Variants in SHLD2 observed in about 807,000 individuals in gnomAD.
SHLD2 encodes the protein RINN1-REV7-interacting novel NHEJ regulator 2.
In SHLD2, 30 loss-of-function variants were observed where a neutral mutation model predicts 73.2. The ratio of observed to expected loss-of-function variants is 0.41; its 90% CI spans 0.31 to 0.56. The LOEUF (loss-of-function observed/expected upper bound fraction) is 0.56. Among genes scored for constraint, SHLD2 ranks in the 20% least tolerant of loss-of-function variants. The probability of loss-of-function intolerance (pLI) is 0.28; values close to 1 mark genes in which losing one functional copy is unlikely to be tolerated. For synonymous variants in SHLD2, 285 were observed against 370.1 expected, an observed-to-expected ratio of 0.77 and a Z score of 2.64; for missense variants, 745 against 1,055.9, an observed-to-expected ratio of 0.71 and a Z score of 4.08.
intron 2 of SHLD2, among the ~76,000 whole-genome samples, chr10:87,108,201 C>T (rs1842719882): frequency 6.6e-6 from 1 of 152,158 alleles, no homozygotes; most frequent in Non-Finnish European, 1.5e-5. Context: ...AGGCATGCGT[C>T]ACCACACCAG....
intron 2 of SHLD2, chr10:87,115,576 G>T (rs887168234): frequency 2.0e-5 from 3 of 151,978 alleles, no homozygotes; most frequent in African/African-American, 7.2e-5. Context: ...CAGTGTAGTG[G>T]GTTGTCATGG....
intron 8 of SHLD2, among the ~76,000 whole-genome samples, chr10:87,180,923 T>C (rs1464854125): frequency 6.6e-6 from 1 of 152,208 alleles, no homozygotes; most frequent in African/African-American, 2.4e-5. Context: ...AAAAACCAAA[T>C]TCAGATATAT....
intron 9 of SHLD2, among the ~76,000 whole-genome samples, chr10:87,188,997 CTCT>C (rs1397037276): frequency 8.1e-6 from 1 of 123,266 alleles, no homozygotes; most frequent in Non-Finnish European, 1.6e-5. Flanking sequence ...TCAGTGTAAT[CTCT>C]TCTTTTTTTT....
At chr10:87,111,838 G>A (rs1339869280) in intron 2 of SHLD2, among the ~76,000 whole-genome samples, 1 of 151,978 alleles carries the variant, frequency 6.6e-6, no homozygotes, top group Non-Finnish European at 1.5e-5. Flanking sequence ...ACAACCTACA[G>A]AACGGGATTA....
rs2134832860 is a variant in SHLD2, at chr10:87,190,568, T to G, written c.2600T>G (p.Leu867Ter). 1 of 1,611,930 alleles carries G rather than the reference T, an allele frequency of 6.2e-7. No individual in the cohort carries two copies. Among genetic ancestry groups the G allele is most frequent in the African/African-American group, 1.3e-5 (1 of 74,954 alleles). The change falls in exon 10 of 10, where the codon TTA becomes TGA. Residue 867 changes from leucine (L) to a stop codon, truncating the protein, a stop_gained. Transcript: ENST00000298786. LOFTEE classifies it low-confidence loss of function (END_TRUNC). Reference protein sequence around the residue: ...LLAVSAEPCVLKIQSLFVLDE... With the variant: ...LLAVSAEPCV ...GCAGTCAGCGCAGAACCTTGTGTATTAAAGATTCAGAGCCTTTTTGTGTTA... is the reference window on the plus strand; with the variant it reads ...GCAGTCAGCGCAGAACCTTGTGTATGAAAGATTCAGAGCCTTTTTGTGTTA...
At chr10:87,190,219 C>T (rs545771266) in intron 9 of SHLD2, among the ~76,000 whole-genome samples, 131 of 152,206 alleles carry the variant, frequency 8.6e-4, no homozygotes, top group African/African-American at 2.8e-3. Context: ...CCACCACTCC[C>T]GGCTAATTTT....
chr10:87,111,183 A>C lies in SHLD2; in HGVS notation c.-6+14194A>C, dbSNP rs558255028. On this transcript the variant is annotated intron_variant, in intron 2 of 9. Transcript: ENST00000298786. Reference sequence around the variant, plus strand: ...TTTTTAAAGTTTTTATTTTTTTGAGACAGGGTCTCATCATGTTGCCCAGGC... The same window carrying C: ...TTTTTAAAGTTTTTATTTTTTTGAGCCAGGGTCTCATCATGTTGCCCAGGC... Among the ~76,000 whole-genome samples, 155 of 151,908 alleles carry C rather than the reference A, an allele frequency of 1.0e-3. 2 individuals are homozygous for C. The highest frequency in any genetic ancestry group is 3.4e-3 in the Middle Eastern group (1 of 294).
chr10:87,177,478 T>G (rs1442002814), intron 7 of SHLD2, among the ~76,000 whole-genome samples: 1 of 152,118 alleles, frequency 6.6e-6, no homozygotes, highest in East Asian at 1.9e-4. Flanking sequence ...ACTGTGCCAT[T>G]AAAATCAGTC....
At position 87,179,424 on chromosome 10, in the gene SHLD2, C is replaced by T. The variant is rs532236098; in HGVS notation, c.2171-651C>T. Among the ~76,000 whole-genome samples the T allele has an allele frequency of 2.3e-4, 34 of 146,596 alleles. No individual in the cohort carries two copies. The South Asian group carries it at 5.6e-3, about 24-fold the overall frequency. ...ATTTGGCTTTTTTTTTTTTTTGAGA[C>T]GGAGTCTTGCTCTTTCGCCCAGGCC... On this transcript the variant is annotated intron_variant, in intron 7 of 9. Coordinates refer to ENST00000298786, the MANE Select transcript of SHLD2 (RefSeq NM_001330112.2).
At chr10:87,189,395 G>A (rs1332481794) in intron 9 of SHLD2, among the ~76,000 whole-genome samples, 1 of 152,180 alleles carries the variant, frequency 6.6e-6, no homozygotes, top group Non-Finnish European at 1.5e-5. Flanking sequence ...GTCCATTCTT[G>A]AGACAATTAA....
intron 2 of SHLD2, among the ~76,000 whole-genome samples, chr10:87,119,186 G>GT (rs1470744553): frequency 1.3e-5 from 2 of 150,262 alleles, no homozygotes; most frequent in African/African-American, 2.4e-5. Flanking sequence ...CATGATACAG[G>GT]TTATATTAAG....
intron 2 of SHLD2, among the ~76,000 whole-genome samples, chr10:87,147,078 A>C (rs1232081273): frequency 4.1e-5 from 6 of 147,568 alleles, no homozygotes; most frequent in Admixed American, 3.5e-4. Flanking sequence ...AAAAGAAAAA[A>C]AAAAAAAAAA....
At chr10:87,156,140 C>T (rs1846410653) in intron 3 of SHLD2, among the ~76,000 whole-genome samples, 1 of 150,498 alleles carries the variant, frequency 6.6e-6, no homozygotes, top group African/African-American at 2.5e-5. Context: ...GATCTCGGCT[C>T]ACTGCAACCT....
intron 2 of SHLD2, among the ~76,000 whole-genome samples, chr10:87,142,023 T>C (rs919318266): frequency 7.8e-6 from 1 of 128,768 alleles, no homozygotes; most frequent in African/African-American, 2.8e-5. Context: ...AGAGCAAGAC[T>C]CCATCTCAAA....
chr10:87,150,736 G>A (rs1219778148), intron 2 of SHLD2, among the ~76,000 whole-genome samples: 6 of 151,608 alleles, frequency 4.0e-5, no homozygotes, highest in African/African-American at 1.5e-4. Flanking sequence ...GTCCAGCCTG[G>A]GCAACAGAGC....
chr10:87,119,851 T>C (rs561740989), intron 2 of SHLD2, among the ~76,000 whole-genome samples: 95 of 151,954 alleles, frequency 6.3e-4, no homozygotes, highest in Non-Finnish European at 1.2e-3. Flanking sequence ...GATGCCTGTT[T>C]GGTTTTCATA....
At chr10:87,137,545 G>A (rs1016902161) in intron 2 of SHLD2, among the ~76,000 whole-genome samples, 2 of 152,172 alleles carry the variant, frequency 1.3e-5, no homozygotes, top group African/African-American at 4.8e-5. Flanking sequence ...GGGAGGGGTA[G>A]AAAAGAGATT....
Position 87,151,985 on chromosome 10 carries a change from T to G in SHLD2, c.631T>G (p.Leu211Val). The G allele has an allele frequency of 6.2e-7, 1 of 1,611,864 alleles. No individual in the cohort carries two copies. The highest frequency in any genetic ancestry group is 8.5e-7 in the Non-Finnish European group (1 of 1,179,804). Residue 211 changes from leucine (L) to valine (V), a missense_variant, in exon 3 of 10, where the codon TTG becomes GTG. Physicochemically the swap from Leu to Val is conservative, Grantham distance 32. Coordinates refer to ENST00000298786, the MANE Select transcript of SHLD2 (RefSeq NM_001330112.2). ...ATATCATGAAATACAAAACCAGTGTTTGGGATTATTTTCCTCGAACGCAGT... is the reference window on the plus strand; with the variant it reads ...ATATCATGAAATACAAAACCAGTGTGTGGGATTATTTTCCTCGAACGCAGT... ...TEYHEIQNQC[L>V]GLFSSNAVDK...
intron 2 of SHLD2, among the ~76,000 whole-genome samples, chr10:87,133,915 A>G (rs1440480424): frequency 2.0e-5 from 3 of 152,264 alleles, no homozygotes; most frequent in Non-Finnish European, 4.4e-5. Flanking sequence ...AGCTGGGGCT[A>G]TACTGACAAA....
Sources: allele counts gnomAD v4.1 joint callset (sites outside exome capture counted in the v4.1 genomes callset), GRCh38; gene constraint gnomAD v4.1.1; transcripts MANE v1.5; gene names NCBI Gene and HGNC (gene_info 2026-07-23, HGNC 2026-07-21).